RGS3: variants seen among roughly 807,000 people sequenced by gnomAD.
RGS3 encodes the protein regulator of G protein signaling 3, also known as regulator of G-protein signalling 3.
In RGS3, 80 loss-of-function variants were observed where a neutral mutation model predicts 132.6. The ratio of observed to expected loss-of-function variants is 0.60; its 90% CI spans 0.50 to 0.73. The LOEUF is 0.73. RGS3 is among the 30% of genes least tolerant of loss of function. The probability of loss-of-function intolerance (pLI) is 0.00; values close to 1 mark genes in which losing one functional copy is unlikely to be tolerated. For synonymous variants in RGS3, 598 were observed against 620.6 expected (o/e 0.96, Z 0.54); for missense variants, 1,382 against 1,530.8 (o/e 0.90, Z 1.62).
intron 13 of RGS3, 45 bp from the exon 12 acceptor site, chr9:113,508,496 C>T: frequency 6.2e-7 from 1 of 1,610,732 alleles, no homozygotes; most frequent in South Asian, 1.1e-5. Flanking sequence ...GGCTGTCCTG[C>T]CCTGTTCCTG....
intron 20 of RGS3, among the ~76,000 whole-genome samples, chr9:113,587,874 G>A (rs978371211): frequency 1.3e-5 from 2 of 152,146 alleles, no homozygotes; most frequent in African/African-American, 4.8e-5. Context: ...CCTGTGCTGA[G>A]TTGAGTGGTC....
chr9:113,593,242 A>T (rs1050246266), intron 21 of RGS3, among the ~76,000 whole-genome samples: 2 of 152,250 alleles, frequency 1.3e-5, no homozygotes, highest in African/African-American at 4.8e-5. Flanking sequence ...CAGGGTGTCT[A>T]GGTCTTAGTG....
chr9:113,561,418 GTC>G (rs1833777643), intron 19 of RGS3, among the ~76,000 whole-genome samples: 1 of 141,344 alleles, frequency 7.1e-6, no homozygotes, highest in Non-Finnish European at 1.5e-5. Context: ...CTCTCTCTCT[GTC>G]TCTCTCTTTC....
In RGS3 at chr9:113,494,518, C is replaced by A. The variant is rs969482061; in HGVS notation, c.690-1268C>A. On this transcript the variant is annotated intron_variant, in intron 7 of 24. Coordinates refer to ENST00000350696, the Ensembl canonical transcript of RGS3. ...CTGCCTCCTGTTAGTGCTGACTTGG[C>A]CACTTCCCAAGAGGGAGGAACAGTA... 4.6e-5 allele frequency among the ~76,000 whole-genome samples: 7 copies of A among 152,196 alleles called. No individual in the cohort carries two copies. In the East Asian group the frequency reaches 1.2e-3, roughly 25 times the overall value.
At chr9:113,577,478 G>A (rs965119583) in intron 19 of RGS3, among the ~76,000 whole-genome samples, 7 of 152,184 alleles carry the variant, frequency 4.6e-5, no homozygotes, top group Non-Finnish European at 1.0e-4. Flanking sequence ...CAATTCCCTG[G>A]TTTGGGCAAC....
intron 4 of RGS3, among the ~76,000 whole-genome samples, chr9:113,480,801 TTGTC>T (rs1359015670): frequency 6.6e-6 from 1 of 152,232 alleles, no homozygotes; most frequent in Non-Finnish European, 1.5e-5. Context: ...CTCCACCTGT[TTGTC>T]TGTCCATGTG....
At chr9:113,477,436 C>A (rs1397917524) in intron 3 of RGS3, among the ~76,000 whole-genome samples, 1 of 152,128 alleles carries the variant, frequency 6.6e-6, no homozygotes, top group Non-Finnish European at 1.5e-5. Context: ...GTATGAGGGT[C>A]AAGTGATGTC....
intron 1 of RGS3, among the ~76,000 whole-genome samples, chr9:113,445,234 G>C (rs1829076585): frequency 1.4e-5 from 2 of 144,712 alleles, no homozygotes; most frequent in South Asian, 4.3e-4. Context: ...TTTTGCTCTT[G>C]TTGCCTAGGC....
At chr9:113,459,774 C>G (rs10981789), upstream of RGS3, among the ~76,000 whole-genome samples, 1 of 151,918 alleles carries the variant, frequency 6.6e-6, no homozygotes, top group Non-Finnish European at 1.5e-5. Context: ...CTCAGTGGCT[C>G]ACACCTGTAG....
intron 16 of RGS3, chr9:113,522,696 C>G (rs1832011636): frequency 1.9e-6 from 1 of 528,724 alleles, no homozygotes; most frequent in East Asian, 3.2e-5. Context: ...TTGCTTTTTT[C>G]CTACTTTGAG....
At chr9:113,496,555 T>C (rs1023401272) in intron 8 of RGS3, among the ~76,000 whole-genome samples, 4 of 147,162 alleles carry the variant, frequency 2.7e-5, no homozygotes, top group Admixed American at 6.7e-5. Flanking sequence ...CTCTCTCTCT[T>C]TTTTTTTTCT....
rs749165631 is a variant in RGS3 at position 113,462,058 on chromosome 9, C to G, written c.272C>G (p.Ser91Cys). 1.5e-5 allele frequency: 24 copies of G among 1,613,956 alleles called. No individual in the cohort carries two copies. The highest frequency in any genetic ancestry group is 2.0e-5 in the Non-Finnish European group (24 of 1,180,026). ...TCTGTGCTCAGTGTCCTCTCTACAT[C>G]CTGTGGCTTGAGCCTGAGCTTGCCC... Residue 91 changes from serine (S) to cysteine (C), a missense_variant, in exon 3 of 25, where the codon TCC becomes TGC. Ser to Cys is a moderately radical substitution (Grantham distance 112). Coordinates refer to ENST00000350696, the Ensembl canonical transcript of RGS3.
At chr9:113,595,058 G>C (rs1835690841) in intron 23 of RGS3, 78 bp downstream of exon 21, 1 of 1,411,316 alleles carries the variant, frequency 7.1e-7, no homozygotes, top group African/African-American at 1.4e-5. Context: ...CTGTGTAGCT[G>C]GTGCTAGAGA....
Position 113,507,492 on chromosome 9 carries a change from T to C in RGS3, c.1291T>C (p.Ser431Pro), listed in dbSNP as rs763012805. 9.9e-6 allele frequency: 16 copies of C among 1,612,364 alleles called. No homozygotes were observed. The Admixed American group carries it at 2.7e-4, about 27-fold the overall frequency. The change falls in exon 13 of 25, where the codon TCT becomes CCT. Residue 431 changes from serine (S) to proline (P), a missense_variant. Transcript: ENST00000350696. The surrounding 1 kb of genome is among the most constrained non-coding windows in gnomAD (Gnocchi z 5.0). ...CAGCTGCCACCTGGTATGTGACAGC[T>C]CTGATGGGCTGCTGCTCGGCGGCTG...
rs753970892 is a variant in RGS3 at position 113,514,610 on chromosome 9, G to A, written c.1630G>A (p.Val544Ile). The A allele has an allele frequency of 1.5e-5, 24 of 1,613,858 alleles. No individual in the cohort carries two copies. The Admixed American group carries it at 2.5e-4, about 17-fold the overall frequency. The change falls in exon 15 of 25, where the codon GTC (valine) becomes ATC (isoleucine). Residue 544 changes from valine to isoleucine, a missense_variant. Physicochemically the swap from Val to Ile is conservative, Grantham distance 29. Coordinates refer to ENST00000350696, the Ensembl canonical transcript of RGS3. The stretch of plus-strand genomic sequence containing the variant: ...CACGCACTCAAGCTATGGCACCTAC[G>A]TCACCCTGGCCCCCAAAGTCCTGGT...
At chr9:113,526,252 G>T (rs1449100614) in intron 17 of RGS3, among the ~76,000 whole-genome samples, 1 of 152,232 alleles carries the variant, frequency 6.6e-6, no homozygotes, top group Non-Finnish European at 1.5e-5. Flanking sequence ...CAGAAAGTCA[G>T]TTGCTTTGGT....
At chr9:113,447,113 T>A (rs2119133820) in intron 1 of RGS3, among the ~76,000 whole-genome samples, 1 of 150,268 alleles carries the variant, frequency 6.7e-6, no homozygotes, top group African/African-American at 2.4e-5. Context: ...TACAGAAAAA[T>A]TAGCTGGGTG....
intron 3 of RGS3, among the ~76,000 whole-genome samples, chr9:113,473,578 A>C (rs1316498750): frequency 6.6e-6 from 1 of 152,020 alleles, no homozygotes; most frequent in African/African-American, 2.4e-5. Flanking sequence ...GGAGAGACAG[A>C]GTCTTGCTAT....
At chr9:113,512,693 C>T (rs978072539) in intron 14 of RGS3, among the ~76,000 whole-genome samples, 4 of 152,204 alleles carry the variant, frequency 2.6e-5, no homozygotes, top group Admixed American at 1.3e-4. Context: ...CAGCAGAAGA[C>T]AGCCTGCACC....
Sources: allele counts gnomAD v4.1 joint callset (sites outside exome capture counted in the v4.1 genomes callset), GRCh38; gene constraint gnomAD v4.1.1; non-coding constraint Gnocchi (gnomAD v3.1); transcripts MANE v1.5; gene names NCBI Gene and HGNC (gene_info 2026-07-23, HGNC 2026-07-21).